The following PNN variants were observed in gnomAD, a reference collection of about 807,000 sequenced individuals.
The protein encoded by PNN is pinin.
In PNN, 38 loss-of-function variants were observed where a neutral mutation model predicts 76.6. The ratio of observed to expected loss-of-function variants is 0.50; its 90% confidence interval spans 0.38 to 0.65. The LOEUF (loss-of-function observed/expected upper bound fraction) is 0.65. Among genes scored for constraint, PNN ranks in the 30% least tolerant of loss-of-function variants. The probability of loss-of-function intolerance (pLI) is 0.00; values close to 1 mark genes in which losing one functional copy is unlikely to be tolerated. For synonymous variants in PNN, 366 were observed against 283.7 expected (o/e 1.29, Z -2.91); for missense variants, 873 against 874.1 (o/e 1.00, Z 0.02).
intron 8 of PNN, 140 bp downstream of exon 8, chr14:39,179,602 A>G: frequency 1.3e-6 from 1 of 777,578 alleles, no homozygotes; most frequent in African/African-American, 1.8e-5. Flanking sequence ...TAAGATAATA[A>G]GATATTCTAG....
chr14:39,176,425 A>G, intron 2 of PNN, 102 bp from the exon 3 acceptor site: 2 of 875,496 alleles, frequency 2.3e-6, no homozygotes, highest in Non-Finnish European at 3.6e-6. Flanking sequence ...AGGCTACTTT[A>G]GTTGGAAAGA....
Position 39,181,862 on chromosome 14 carries a change from A to G in PNN, c.2153A>G (p.Ter718=), listed in dbSNP as rs2053273052. The G allele has an allele frequency of 6.4e-7, 1 of 1,571,332 alleles. No individual in the cohort carries two copies. Residue 718 remains the stop codon, a stop_retained_variant, in exon 9 of 9, where the codon TAA becomes TGA. Transcript: ENST00000216832. ...TCAGACAGGAAAGACAAAAGGCGTTAATGGAAGAAGCCAGGCTTTCTTAGC... is the reference window on the plus strand; with the variant it reads ...TCAGACAGGAAAGACAAAAGGCGTTGATGGAAGAAGCCAGGCTTTCTTAGC... ...RKSDRKDKRR[*] is the part of the protein sequence containing the mutation.
At chr14:39,177,307 G>T in intron 3 of PNN, 105 bp from the exon 4 acceptor site, 1 of 832,958 alleles carries the variant, frequency 1.2e-6, no homozygotes, top group East Asian at 2.7e-5. Flanking sequence ...GATCACTTGA[G>T]CCTGGGAGGT....
chr14:39,181,166 T>C lies in PNN; in HGVS notation c.1457T>C (p.Leu486Pro), dbSNP rs1594557350. ...CCTCAGTCTCAGCCCCAGCTTCAGC[T>C]TCAATCCCAGTCCCAACCAGTACTC... is the stretch of plus-strand genomic sequence containing the variant. Reference protein sequence around the residue: ...PQPQSQPQLQLQSQSQPVLQS... With the variant: ...PQPQSQPQLQPQSQSQPVLQS... Residue 486 changes from leucine (L) to proline (P), a missense_variant, in exon 9 of 9, where the codon CTT (leucine) becomes CCT (proline). Physicochemically the swap from Leu to Pro is moderately conservative, Grantham distance 98. This residue lies in a region of PNN where 712 missense variants were observed against 693.1 expected (regional missense o/e 1.03). Coordinates refer to ENST00000216832, the MANE Select transcript of PNN (RefSeq NM_002687.4). 1 of 1,607,756 alleles carries C rather than the reference T, an allele frequency of 6.2e-7. No homozygotes were observed. Among genetic ancestry groups the C allele is most frequent in the African/African-American group, 1.3e-5 (1 of 74,922 alleles).
Position 39,180,988 on chromosome 14 carries a change from C to G in PNN, c.1279C>G (p.Pro427Ala), listed in dbSNP as rs970173849. The change falls in exon 9 of 9, where the codon CCA (proline) becomes GCA (alanine). Residue 427 changes from proline (P) to alanine (A), a missense_variant. Around this residue, in one of 3 missense-constraint regions of PNN, gnomAD observed 712 missense variants for 693.1 expected, o/e 1.03. Coordinates refer to ENST00000216832, the MANE Select transcript of PNN (RefSeq NM_002687.4). ...SENEASKELE[P>A]EMEFEIEPDK... Reference sequence around the variant, plus strand: ...AAATGAAGCTAGCAAAGAATTGGAACCAGAAATGGAATTTGAAATTGAGCC... The same window carrying G: ...AAATGAAGCTAGCAAAGAATTGGAAGCAGAAATGGAATTTGAAATTGAGCC... The G allele has an allele frequency of 1.2e-6, 2 of 1,613,098 alleles. No individual in the cohort carries two copies. The highest frequency in any genetic ancestry group is 2.7e-5 in the African/African-American group (2 of 74,822).
At position 39,180,693 on chromosome 14, in the gene PNN, T is replaced by G; in HGVS notation, c.984T>G (p.Asp328Glu). The G allele has an allele frequency of 6.2e-7, 1 of 1,606,970 alleles. No homozygotes were observed. The highest frequency in any genetic ancestry group is 8.5e-7 in the Non-Finnish European group (1 of 1,176,170). Reference sequence around the variant, plus strand: ...AGGAGACAGGTAATCAGCACAATGATGTAGAAATAGAGGAAGCAGGAGAGG... The same window carrying G: ...AGGAGACAGGTAATCAGCACAATGAGGTAGAAATAGAGGAAGCAGGAGAGG... Reference protein sequence around the residue: ...ELEETGNQHNDVEIEEAGEEE... With the variant: ...ELEETGNQHNEVEIEEAGEEE... The change falls in exon 9 of 9, where the codon GAT becomes GAG. Residue 328 changes from aspartate (D) to glutamate (E), a missense_variant. Transcript: ENST00000216832.
chr14:39,178,202 T>G (rs10148712), intron 6 of PNN, among the ~76,000 whole-genome samples: 14,141 of 151,932 alleles, frequency 0.093, 882 homozygotes, highest in East Asian at 0.32. Context: ...CAGTACCAAG[T>G]GCTAAGTTCT....
chr14:39,176,652 T>C, intron 3 of PNN, 57 bp downstream of exon 3: 1 of 982,628 alleles, frequency 1.0e-6, no homozygotes, highest in South Asian at 1.4e-5. Flanking sequence ...ACCACACAAA[T>C]ATAAATGTTT....
intron 6 of PNN, 119 bp downstream of exon 6, chr14:39,178,035 C>A: frequency 1.4e-6 from 1 of 719,904 alleles, no homozygotes. Context: ...TGAAACAAAG[C>A]CAAGTAAAAA....
intron 1 of PNN, chr14:39,175,651 C>G (rs1008448113): frequency 3.9e-6 from 2 of 514,794 alleles, no homozygotes; most frequent in South Asian, 2.3e-5. Context: ...TGAGAAGACC[C>G]GGACTGCTGA....
intron 1 of PNN, 52 bp downstream of exon 1, chr14:39,175,444 G>A: frequency 1.7e-6 from 2 of 1,150,692 alleles, no homozygotes; most frequent in Non-Finnish European, 2.6e-6. Flanking sequence ...GCAGCCCTCA[G>A]GTCGGGGTGA....
chr14:39,176,513 A>T lies in PNN; in HGVS notation c.186-14A>T, dbSNP rs768536687. On this transcript the variant is annotated splice_polypyrimidine_tract_variant and intron_variant, in intron 2 of 8. Coordinates refer to ENST00000216832, the MANE Select transcript of PNN (RefSeq NM_002687.4). ...GTATTTCAAGTGTTTTATGTTGAAC[A>T]TTTTAAATTTCAGGCGTGGATTCTC... 1.3e-6 allele frequency: 2 copies of T among 1,588,198 alleles called. No individual in the cohort carries two copies. The highest frequency in any genetic ancestry group is 4.5e-5 in the East Asian group (2 of 44,690).
Position 39,176,120 on chromosome 14 carries a change from A to G in PNN, c.156A>G (p.Gly52=). 1 of 1,608,162 alleles carries G rather than the reference A, an allele frequency of 6.2e-7. No homozygotes were observed. The highest frequency in any genetic ancestry group is 8.5e-7 in the Non-Finnish European group (1 of 1,174,592). ...ARLLALSGPG[G]GRGRGSLLLR... is the part of the protein sequence containing the mutation. ...TGCTGGCCCTTTCTGGTCCTGGTGG[A>G]GGTAGAGGACGTGGTAGTTTATTAC... The change falls in exon 2 of 9, where the codon GGA becomes GGG. Residue 52 remains glycine, a synonymous_variant. Transcript: ENST00000216832.
intron 6 of PNN, 154 bp from the exon 7 acceptor site, chr14:39,178,937 T>G (rs910800082): frequency 7.6e-6 from 5 of 658,496 alleles, no homozygotes; most frequent in Non-Finnish European, 1.2e-5. Flanking sequence ...GATGGTGGTG[T>G]TGGCTTCTGA....
Position 39,182,063 on chromosome 14 carries a change from G to T in PNN, c.*200G>T. On this transcript the variant is annotated 3_prime_UTR_variant, in exon 9 of 9. Transcript: ENST00000216832. ...TGTAAGAGTTATTTATCAAAATTAT[G>T]TGAGGTTCCAAAATATGTAAAAATG... The T allele has an allele frequency of 4.2e-6, 2 of 481,452 alleles. No homozygotes were observed. Among genetic ancestry groups the T allele is most frequent in the Non-Finnish European group, 7.2e-6 (2 of 278,578 alleles). 29.8% of individuals were successfully genotyped at this position (481,452 alleles called of 1,614,324 possible).
chr14:39,180,112 A>G (rs562091651), intron 8 of PNN, among the ~76,000 whole-genome samples: 1 of 152,324 alleles, frequency 6.6e-6, no homozygotes, highest in Non-Finnish European at 1.5e-5. Flanking sequence ...CAGTTTCTAG[A>G]TGGAAAACAC....
chr14:39,179,389 T>G lies in PNN; in HGVS notation c.720T>G (p.His240Gln), dbSNP rs1295396719. Residue 240 changes from histidine to glutamine, a missense_variant, in exon 8 of 9, where the codon CAT becomes CAG. Physicochemically the swap from His to Gln is conservative, Grantham distance 24 (BLOSUM62 0). Coordinates refer to ENST00000216832, the MANE Select transcript of PNN (RefSeq NM_002687.4). The part of the protein sequence containing the change: ...IKYIRTKTKP[H>Q]LFYIPGRMCP... The stretch of plus-strand genomic sequence containing the variant: ...ATATAAGAACTAAGACAAAGCCCCA[T>G]TTGTTTTATATTCCTGGAAGAATGT... The G allele has an allele frequency of 2.5e-6, 4 of 1,611,960 alleles. No homozygotes were observed. The highest frequency in any genetic ancestry group is 2.5e-6 in the Non-Finnish European group (3 of 1,178,164).
At position 39,179,080 on chromosome 14, in the gene PNN, T is replaced by G. The variant is rs1296311173; in HGVS notation, c.499-11T>G. On this transcript the variant is annotated splice_polypyrimidine_tract_variant and intron_variant, in intron 6 of 8. Coordinates refer to ENST00000216832, the MANE Select transcript of PNN (RefSeq NM_002687.4). ...ACACGTAAGTATTAAAGCAGGCTAC[T>G]TAACTTTTAGCAAAAGCGGCGCCAG... 1 of 1,608,152 alleles carries G rather than the reference T, an allele frequency of 6.2e-7. No individual in the cohort carries two copies. Among genetic ancestry groups the G allele is most frequent in the Non-Finnish European group, 8.5e-7 (1 of 1,178,506 alleles).
chr14:39,178,246 C>G (rs188072770), intron 6 of PNN, among the ~76,000 whole-genome samples: 1 of 152,088 alleles, frequency 6.6e-6, no homozygotes, highest in Non-Finnish European at 1.5e-5. Flanking sequence ...AAATGTGAAG[C>G]GGCCAGGTGC....
Sources: gnomAD v4.1 joint callset for allele counts (sites outside exome capture counted in the v4.1 genomes callset) on GRCh38, gnomAD v4.1.1 for gene constraint, gnomAD v4.1.1 regional missense constraint, MANE v1.5 for transcripts, NCBI Gene and HGNC (gene_info 2026-07-23, HGNC 2026-07-21) for gene names.